The following ANGPT1 variants were observed in gnomAD, a reference collection of about 807,000 sequenced individuals.
The protein encoded by ANGPT1 is angiopoietin-1.
Under a neutral mutation model 62.2 loss-of-function variants are expected in ANGPT1, and 17 were observed. The ratio of observed to expected loss-of-function variants is 0.27; its 90% confidence interval spans 0.19 to 0.41. ANGPT1 has a LOEUF of 0.41. Ranked by LOEUF, ANGPT1 falls within the 10% of genes least tolerant of loss-of-function variation. The pLI, the probability that ANGPT1 is intolerant of heterozygous loss-of-function variation, is 1.00. For synonymous variants in ANGPT1, 199 were observed against 198.9 expected (o/e 1.00, Z 0.00); for missense variants, 478 against 594.9 (o/e 0.80, Z 2.04).
At chr8:107,284,869 G>A (rs1375125860) in intron 6 of ANGPT1, 21 bp from the exon 7 acceptor site, 1 of 1,520,704 alleles carries the variant, frequency 6.6e-7, no homozygotes, top group South Asian at 1.4e-5. Flanking sequence ...ATATAGAGAT[G>A]CAGTTGTTAC....
At chr8:107,270,204 T>C (rs1465247315) in intron 7 of ANGPT1, among the ~76,000 whole-genome samples, 2 of 152,030 alleles carry the variant, frequency 1.3e-5, no homozygotes, top group African/African-American at 4.8e-5. Context: ...ATCTTCACCA[T>C]ACTCAGGTGG....
At chr8:107,496,845 C>T (rs541467011) in intron 1 of ANGPT1, among the ~76,000 whole-genome samples, 1 of 151,994 alleles carries the variant, frequency 6.6e-6, no homozygotes, top group African/African-American at 2.4e-5. Flanking sequence ...GATTTGCCAC[C>T]CCAGCGGCAC....
At chr8:107,299,951 CTGT>C (rs1490325997) in intron 5 of ANGPT1, among the ~76,000 whole-genome samples, 1 of 132,120 alleles carries the variant, frequency 7.6e-6, no homozygotes, top group African/African-American at 2.9e-5. Context: ...TCTAGATATA[CTGT>C]ATATATACTA....
intron 1 of ANGPT1, among the ~76,000 whole-genome samples, chr8:107,409,951 AT>A (rs1817230193): frequency 1.7e-5 from 2 of 119,022 alleles, no homozygotes; most frequent in Admixed American, 1.6e-4. Context: ...CCATCCATCC[AT>A]CCATCCATCC....
At chr8:107,414,402 A>C (rs1033053879) in intron 1 of ANGPT1, among the ~76,000 whole-genome samples, 2 of 152,220 alleles carry the variant, frequency 1.3e-5, no homozygotes. Context: ...TGCTTTGGTC[A>C]TTCCATGATG....
At chr8:107,373,996 A>G (rs1040403036) in intron 1 of ANGPT1, among the ~76,000 whole-genome samples, 1 of 152,242 alleles carries the variant, frequency 6.6e-6, no homozygotes, top group African/African-American at 2.4e-5. Flanking sequence ...CCCTTTCCAA[A>G]GAATTTCTGA....
At position 107,319,773 on chromosome 8, in the gene ANGPT1, C is replaced by T. The variant is rs188739441; in HGVS notation, c.808+2123G>A. Among the ~76,000 whole-genome samples, 333 of 152,006 alleles carry T rather than the reference C, an allele frequency of 2.2e-3. 3 individuals carry two copies. The highest frequency in any genetic ancestry group is 7.3e-3 in the African/African-American group (302 of 41,496). On this transcript the variant is annotated intron_variant, in intron 4 of 8. Coordinates refer to ENST00000517746, the MANE Select transcript of ANGPT1 (RefSeq NM_001146.5). Reference sequence around the variant, plus strand: ...CAGACAATGAAAATCTTCATAAAAACCTTATGAGAGCCACTTTCCACTTTT... The same window carrying T: ...CAGACAATGAAAATCTTCATAAAAATCTTATGAGAGCCACTTTCCACTTTT...
chr8:107,408,367 A>T (rs1291697958), intron 1 of ANGPT1, among the ~76,000 whole-genome samples: 3 of 152,198 alleles, frequency 2.0e-5, no homozygotes, highest in African/African-American at 7.2e-5. Flanking sequence ...TGATTTGTAG[A>T]GGAAAATTTT....
At chr8:107,326,497 C>T (rs1191094008) in intron 3 of ANGPT1, among the ~76,000 whole-genome samples, 2 of 152,060 alleles carry the variant, frequency 1.3e-5, no homozygotes, top group African/African-American at 4.8e-5. Context: ...TGACTACACT[C>T]ATCCCCTTTT....
chr8:107,399,843 G>C (rs557300965), intron 1 of ANGPT1, among the ~76,000 whole-genome samples: 1 of 152,278 alleles, frequency 6.6e-6, no homozygotes, highest in African/African-American at 2.4e-5. Context: ...GAAGGAGCCA[G>C]GTGCCACACT....
At chr8:107,434,510 G>T (rs1187363157) in intron 1 of ANGPT1, among the ~76,000 whole-genome samples, 1 of 152,138 alleles carries the variant, frequency 6.6e-6, no homozygotes, top group Non-Finnish European at 1.5e-5. Context: ...AGGGGAATAA[G>T]CTCAAGGACC....
At chr8:107,475,938 G>C (rs999842776) in intron 1 of ANGPT1, among the ~76,000 whole-genome samples, 2 of 152,170 alleles carry the variant, frequency 1.3e-5, no homozygotes, top group East Asian at 3.8e-4. Context: ...GTAAACAACA[G>C]GTGCTGGAGA....
intron 4 of ANGPT1, among the ~76,000 whole-genome samples, chr8:107,309,835 T>G (rs1017842426): frequency 3.9e-5 from 6 of 152,188 alleles, no homozygotes; most frequent in African/African-American, 1.4e-4. Context: ...GTTATATGTG[T>G]GTGTGCATGT....
At chr8:107,388,070 A>AT (rs201552569) in intron 1 of ANGPT1, among the ~76,000 whole-genome samples, 2 of 152,030 alleles carry the variant, frequency 1.3e-5, no homozygotes, top group East Asian at 3.9e-4. Flanking sequence ...TGAGATGAAA[A>AT]TTTTTTTATG....
At chr8:107,401,503 CAG>C (rs1464175451) in intron 1 of ANGPT1, among the ~76,000 whole-genome samples, 1 of 152,082 alleles carries the variant, frequency 6.6e-6, no homozygotes, top group Non-Finnish European at 1.5e-5. Flanking sequence ...TTGAGTAGAT[CAG>C]AGAGATGAGA....
At chr8:107,304,207 C>T (rs1433696082) in intron 4 of ANGPT1, among the ~76,000 whole-genome samples, 1 of 151,600 alleles carries the variant, frequency 6.6e-6, no homozygotes, top group Non-Finnish European at 1.5e-5. Flanking sequence ...CTGAGGAAAA[C>T]CTTATTTTAT....
At position 107,347,227 on chromosome 8, in the gene ANGPT1, C is replaced by G. The variant is rs1815826330; in HGVS notation, c.298-130G>C. ...CATCTGGCGGGGATCCTCTACATCT[C>G]TGGGAGTTGGAGAAATGGGAGCAGA... On this transcript the variant is annotated intron_variant, in intron 1 of 8. Transcript: ENST00000517746. 3.5e-6 allele frequency: 3 copies of G among 869,452 alleles called. No individual in the cohort carries two copies. The Admixed American group carries it at 8.0e-5, about 23-fold the overall frequency. 53.9% of individuals were successfully genotyped at this position (869,452 alleles called of 1,614,324 possible). A position where few individuals can be genotyped will look rare whatever the true frequency, so the allele number is the denominator to read the frequency against.
intron 1 of ANGPT1, among the ~76,000 whole-genome samples, chr8:107,412,036 G>C (rs547184499): frequency 6.6e-6 from 1 of 152,004 alleles, no homozygotes; most frequent in Non-Finnish European, 1.5e-5. Flanking sequence ...TTGCATTGTA[G>C]GATGCTTAGC....
At position 107,251,110 on chromosome 8, in the gene ANGPT1, C is replaced by T. The variant is rs188000066; in HGVS notation, c.*745G>A. 77 of 152,224 alleles carry T rather than the reference C, an allele frequency of 5.1e-4. No homozygotes were observed. Among genetic ancestry groups the T allele is most frequent in the Admixed American group, 3.1e-3 (48 of 15,280 alleles). The allele number at this position is 152,224 out of a possible 1,614,324, so 9.4% of individuals were successfully genotyped here. The stretch of plus-strand genomic sequence containing the variant: ...ATAGTATGGGGGTGGTAAGTTTTCA[C>T]CACATACATCCTTACTTGATTATGT... On this transcript the variant is annotated 3_prime_UTR_variant, in exon 9 of 9. Transcript: ENST00000517746.
Sources: allele counts gnomAD v4.1 joint callset (sites outside exome capture counted in the v4.1 genomes callset), GRCh38; gene constraint gnomAD v4.1.1; transcripts MANE v1.5; gene names NCBI Gene and HGNC (gene_info 2026-07-23, HGNC 2026-07-21).